The following SEPTIN9 variants were observed in gnomAD, a reference collection of about 807,000 sequenced individuals.
The protein encoded by SEPTIN9 is septin-9.
In SEPTIN9, 13 loss-of-function variants were observed where a neutral mutation model predicts 56.6. That is an observed-to-expected ratio of 0.23 (90% confidence interval 0.15 to 0.37). The LOEUF (loss-of-function observed/expected upper bound fraction) is 0.37, where lower values mean the gene tolerates loss of function less well. Among genes scored for constraint, SEPTIN9 ranks in the 10% least tolerant of loss-of-function variants. SEPTIN9 has a pLI of 1.00. For missense variants in SEPTIN9, 650 were observed against 823.1 expected (o/e 0.79, Z 2.57); for synonymous variants, 332 against 334.1 (o/e 0.99, Z 0.07).
chr17:77,479,669 G>A (rs987528263), intron 3 of SEPTIN9, among the ~76,000 whole-genome samples: 1 of 152,184 alleles, frequency 6.6e-6, no homozygotes, highest in Non-Finnish European at 1.5e-5. Flanking sequence ...CTGCAGCTGA[G>A]CCGGCCCCTC....
In SEPTIN9 at chr17:77,434,825, C is replaced by G. The variant is rs1320930128; in HGVS notation, c.721+32122C>G. Among the ~76,000 whole-genome samples the G allele has an allele frequency of 6.6e-6, 1 of 152,184 alleles. No individual in the cohort carries two copies. The highest frequency in any genetic ancestry group is 1.5e-5 in the Non-Finnish European group (1 of 68,036). On this transcript the variant is annotated intron_variant, in intron 3 of 11. Coordinates refer to ENST00000427177, the MANE Select transcript of SEPTIN9 (RefSeq NM_001113491.2). This position sits in a 1 kb window ranked among gnomAD's most constrained non-coding sequence, Gnocchi z 5.0. ...GGCCTGGGGCCTTCAGTCCTTAATT[C>G]AGGAGGGTAGCCAGTCGCTGGAACT...
intron 2 of SEPTIN9, among the ~76,000 whole-genome samples, chr17:77,387,457 T>C (rs1467910719): frequency 6.6e-6 from 1 of 152,214 alleles, no homozygotes; most frequent in Admixed American, 6.5e-5. Context: ...GTCCGAGGGC[T>C]AGGGCTCTGG....
At chr17:77,430,810 GC>G (rs1291178223) in intron 3 of SEPTIN9, among the ~76,000 whole-genome samples, 13 of 152,176 alleles carry the variant, frequency 8.5e-5, no homozygotes, top group Admixed American at 2.6e-4. Flanking sequence ...GGTCAACATG[GC>G]GAAACCCCAT....
In SEPTIN9 at chr17:77,498,836, G is replaced by C; in HGVS notation, c.*178G>C. 2 of 634,444 alleles carry C rather than the reference G, an allele frequency of 3.2e-6. No homozygotes were observed. The highest frequency in any genetic ancestry group is 5.8e-6 in the Non-Finnish European group (2 of 342,510). 39.3% of individuals were successfully genotyped at this position (634,444 alleles called of 1,614,324 possible). On this transcript the variant is annotated 3_prime_UTR_variant, in exon 12 of 12. Coordinates refer to ENST00000427177, the MANE Select transcript of SEPTIN9 (RefSeq NM_001113491.2). ...CTCCCTCCGAGTGAGTCAGTGATGAGGCCGCGGCCTCCCCGAGGTTGTGGG... is the reference window on the plus strand; with the variant it reads ...CTCCCTCCGAGTGAGTCAGTGATGACGCCGCGGCCTCCCCGAGGTTGTGGG...
chr17:77,357,155 A>G (rs1283334269), intron 2 of SEPTIN9, among the ~76,000 whole-genome samples: 3 of 152,100 alleles, frequency 2.0e-5, no homozygotes, highest in African/African-American at 7.2e-5. Flanking sequence ...GGCCCACGCC[A>G]CCTGTGGAAT....
At position 77,288,275 on chromosome 17, in the gene SEPTIN9, G is replaced by A. The variant is rs1267974764; in HGVS notation, c.19+6721G>A. The stretch of plus-strand genomic sequence containing the variant: ...TTAAATGACCTGTGACGAGGCCTGC[G>A]CCATGGCCGGGGCCCTCTGCTTTTC... On this transcript the variant is annotated intron_variant, in intron 1 of 11. Transcript: ENST00000427177. The A allele has an allele frequency of 9.4e-6, 9 of 953,976 alleles. No individual in the cohort carries two copies. In the South Asian group the frequency reaches 2.5e-4, roughly 26 times the overall value. The allele number at this position is 953,976 out of a possible 1,614,324, so 59.1% of individuals were successfully genotyped here.
At chr17:77,370,465 A>C (rs749985097) in intron 2 of SEPTIN9, among the ~76,000 whole-genome samples, 1 of 152,202 alleles carries the variant, frequency 6.6e-6, no homozygotes, top group Non-Finnish European at 1.5e-5. Context: ...TTCTTTCTGC[A>C]GAGACCCTTA....
chr17:77,348,294 G>GTTTTT (rs367934946), intron 2 of SEPTIN9, among the ~76,000 whole-genome samples: 42 of 89,738 alleles, frequency 4.7e-4, no homozygotes, highest in Admixed American at 1.1e-3. Context: ...TTTAATTTAT[G>GTTTTT]TTTTTTTTTT....
chr17:77,480,640 C>T (rs555921148), intron 3 of SEPTIN9, among the ~76,000 whole-genome samples: 7 of 152,334 alleles, frequency 4.6e-5, no homozygotes, highest in Middle Eastern at 3.4e-3. Context: ...TGCAGCCTCC[C>T]GTGCTGTGGC....
intron 4 of SEPTIN9, among the ~76,000 whole-genome samples, chr17:77,486,521 T>TGCGC (rs1555679120): frequency 4.7e-4 from 57 of 120,204 alleles, no homozygotes; most frequent in East Asian, 2.7e-3. Flanking sequence ...TGTGTGTGTG[T>TGCGC]GCGCGCACGC....
At chr17:77,383,204 C>G (rs894288271) in intron 2 of SEPTIN9, among the ~76,000 whole-genome samples, 4 of 151,818 alleles carry the variant, frequency 2.6e-5, no homozygotes, top group African/African-American at 9.7e-5. Context: ...CTCCCTCTTG[C>G]ATTCTTTGTC....
intron 10 of SEPTIN9, among the ~76,000 whole-genome samples, chr17:77,494,475 G>A (rs944038826): frequency 6.6e-6 from 1 of 152,234 alleles, no homozygotes; most frequent in Non-Finnish European, 1.5e-5. Context: ...TAATCTTCCA[G>A]GGCCTCAGTT....
intron 2 of SEPTIN9, among the ~76,000 whole-genome samples, chr17:77,386,770 C>A (rs1239393133): frequency 6.6e-6 from 1 of 152,124 alleles, no homozygotes; most frequent in South Asian, 2.1e-4. Flanking sequence ...AAGGAAAATA[C>A]GGGCATAGGG....
In SEPTIN9 at chr17:77,318,431, A is replaced by T. The variant is rs903648298; in HGVS notation, c.76+11234A>T. Among the ~76,000 whole-genome samples the T allele has an allele frequency of 4.9e-4, 74 of 151,832 alleles. No individual in the cohort carries two copies. The highest frequency in any genetic ancestry group is 6.0e-4 in the Non-Finnish European group (41 of 67,982). ...AGCAAGATCTGCAACTGAATCACAG[A>T]TGCAAAAACTCTTGTTCCAAACAAG... On this transcript the variant is annotated intron_variant, in intron 2 of 11. Transcript: ENST00000427177. The surrounding 1 kb of genome is among the most constrained non-coding windows in gnomAD (Gnocchi z 4.9).
rs1277740969 is a variant in SEPTIN9 at position 77,456,111 on chromosome 17, C to A, written c.722-26033C>A. Among the ~76,000 whole-genome samples the A allele has an allele frequency of 6.7e-6, 1 of 150,116 alleles. No individual in the cohort carries two copies. Among genetic ancestry groups the A allele is most frequent in the Non-Finnish European group, 1.5e-5 (1 of 67,886 alleles). On this transcript the variant is annotated intron_variant, in intron 3 of 11. Coordinates refer to ENST00000427177, the MANE Select transcript of SEPTIN9 (RefSeq NM_001113491.2). This position sits in a 1 kb window ranked among gnomAD's most constrained non-coding sequence, Gnocchi z 6.0. ...AAACACTGCCCGTGGCCGGTGTCAT[C>A]TGCCAGCCCTGAAGACTAATGATGG...
intron 1 of SEPTIN9, among the ~76,000 whole-genome samples, chr17:77,304,318 A>G (rs2032177398): frequency 6.6e-6 from 1 of 152,238 alleles, no homozygotes; most frequent in African/African-American, 2.4e-5. Context: ...GCCAGGCACC[A>G]GATGCCCATT....
intron 2 of SEPTIN9, among the ~76,000 whole-genome samples, chr17:77,401,358 C>G (rs1012312269): frequency 6.6e-6 from 1 of 152,110 alleles, no homozygotes; most frequent in African/African-American, 2.4e-5. Flanking sequence ...GAGGCATGTC[C>G]CCCGCTGTGG....
intron 3 of SEPTIN9, among the ~76,000 whole-genome samples, chr17:77,479,457 G>GA (rs2039359247): frequency 6.6e-6 from 1 of 152,264 alleles, no homozygotes; most frequent in South Asian, 2.1e-4. Flanking sequence ...GCCAGCCGGG[G>GA]CCTGCAAGGC....
intron 2 of SEPTIN9, among the ~76,000 whole-genome samples, chr17:77,396,440 G>T (rs1480806243): frequency 1.3e-5 from 2 of 152,168 alleles, no homozygotes; most frequent in African/African-American, 4.8e-5. Flanking sequence ...CGCTTCTGTG[G>T]GTGAATGTGG....
Sources: gnomAD v4.1 joint callset for allele counts (sites outside exome capture counted in the v4.1 genomes callset) on GRCh38, gnomAD v4.1.1 for gene constraint, Gnocchi (gnomAD v3.1) non-coding constraint, MANE v1.5 for transcripts, NCBI Gene and HGNC (gene_info 2026-07-23, HGNC 2026-07-21) for gene names.